FREM2: variants seen among roughly 807,000 people sequenced by gnomAD.
FREM2 encodes the protein FRAS1-related extracellular matrix protein 2.
In FREM2, 119 loss-of-function variants were observed where a neutral mutation model predicts 219.9. That is an observed-to-expected ratio of 0.54 (90% CI 0.47 to 0.63). The LOEUF is 0.63. FREM2 is among the 30% of genes least tolerant of loss of function. The pLI, the probability that FREM2 is intolerant of heterozygous loss-of-function variation, is 0.00. For synonymous variants in FREM2, 1,562 were observed against 1,522.8 expected, an observed-to-expected ratio of 1.03 and a Z score of -0.60; for missense variants, 4,030 against 3,993.6, an observed-to-expected ratio of 1.01 and a Z score of -0.25.
intron 6 of FREM2, among the ~76,000 whole-genome samples, chr13:38,841,033 T>A (rs1876942698): frequency 6.6e-6 from 1 of 152,194 alleles, no homozygotes; most frequent in South Asian, 2.1e-4. Flanking sequence ...TTTATCTAGA[T>A]ATGCATCCTA....
intron 1 of FREM2, among the ~76,000 whole-genome samples, chr13:38,695,241 C>A (rs1870058358): frequency 6.6e-6 from 1 of 151,906 alleles, no homozygotes; most frequent in Non-Finnish European, 1.5e-5. Context: ...CTTTAGAATA[C>A]CAGTATGATG....
At chr13:38,749,542 C>G (rs1872639505) in intron 2 of FREM2, among the ~76,000 whole-genome samples, 1 of 152,136 alleles carries the variant, frequency 6.6e-6, no homozygotes, top group South Asian at 2.1e-4. Flanking sequence ...AACCCCAGTG[C>G]TATTGACATT....
chr13:38,727,097 C>T (rs1871559132), intron 2 of FREM2, among the ~76,000 whole-genome samples: 1 of 152,128 alleles, frequency 6.6e-6, no homozygotes, highest in Non-Finnish European at 1.5e-5. Context: ...ACCTTTGGTA[C>T]AGTTTCAGCT....
intron 3 of FREM2, among the ~76,000 whole-genome samples, chr13:38,768,069 A>G (rs1873511081): frequency 6.6e-6 from 1 of 152,214 alleles, no homozygotes; most frequent in Admixed American, 6.5e-5. Flanking sequence ...AGCACATGGA[A>G]TAGAGCCTGG....
In FREM2 at chr13:38,876,309, A is replaced by C; in HGVS notation, c.8471A>C (p.Gln2824Pro). 1 of 1,614,090 alleles carries C rather than the reference A, an allele frequency of 6.2e-7. No homozygotes were observed. Among genetic ancestry groups the C allele is most frequent in the Non-Finnish European group, 8.5e-7 (1 of 1,179,950 alleles). The stretch of plus-strand genomic sequence containing the variant: ...GTGCCATGCACTGCCCCATCACATC[A>C]GGAATACCGCCTGCCAGTCACCTGC... ...KLVPCTAPSH[Q>P]EYRLPVTCNP... is the part of the protein sequence containing the mutation. Residue 2824 changes from glutamine to proline, a missense_variant, in exon 20 of 24, where the codon CAG (glutamine) becomes CCG (proline). Around this residue, in one of 2 missense-constraint regions of FREM2, gnomAD observed 928 missense variants for 1,042.9 expected, o/e 0.89. Transcript: ENST00000280481.
At chr13:38,847,163 T>G (rs1294359946) in intron 7 of FREM2, among the ~76,000 whole-genome samples, 21 of 151,870 alleles carry the variant, frequency 1.4e-4, no homozygotes, top group Non-Finnish European at 2.5e-4. Flanking sequence ...TATAAATACT[T>G]CAGATCCAAA....
intron 2 of FREM2, among the ~76,000 whole-genome samples, chr13:38,754,838 C>T (rs1872916750): frequency 6.6e-6 from 1 of 150,790 alleles, no homozygotes; most frequent in South Asian, 2.1e-4. Context: ...TTGGTCAAAG[C>T]CCATGCCACT....
chr13:38,776,724 G>T (rs574782912), intron 4 of FREM2, among the ~76,000 whole-genome samples: 1 of 151,872 alleles, frequency 6.6e-6, no homozygotes, highest in South Asian at 2.1e-4. Flanking sequence ...AGGGAGTGAA[G>T]GGATATATGG....
chr13:38,830,000 T>C (rs1022666768), intron 6 of FREM2, among the ~76,000 whole-genome samples: 2 of 152,156 alleles, frequency 1.3e-5, no homozygotes, highest in African/African-American at 2.4e-5. Flanking sequence ...ACATATATTA[T>C]CTCTGCACAA....
At chr13:38,768,496 G>A (rs1566135155) in intron 3 of FREM2, among the ~76,000 whole-genome samples, 1 of 151,924 alleles carries the variant, frequency 6.6e-6, no homozygotes, top group Non-Finnish European at 1.5e-5. Flanking sequence ...AGGATGGTCT[G>A]GAACTCCTGG....
chr13:38,687,837 G>T lies in FREM2; in HGVS notation c.493G>T (p.Val165Leu), dbSNP rs985248083. The T allele has an allele frequency of 6.4e-7, 1 of 1,557,886 alleles. No individual in the cohort carries two copies. Among genetic ancestry groups the T allele is most frequent in the East Asian group, 2.3e-5 (1 of 43,474 alleles). Residue 165 changes from valine to leucine, a missense_variant, in exon 1 of 24, where the codon GTG (valine) becomes TTG (leucine). Transcript: ENST00000280481. The stretch of plus-strand genomic sequence containing the variant: ...CTATGACGCGCCCGGAGGGGCAGTA[G>T]TGCTACCACTGGTACTGGAGGTGGA... ...LRYDAPGGAV[V>L]LPLVLEVEVV...
At chr13:38,827,866 G>A (rs752198226) in intron 6 of FREM2, among the ~76,000 whole-genome samples, 3 of 152,108 alleles carry the variant, frequency 2.0e-5, no homozygotes, top group South Asian at 2.1e-4. Context: ...AGAACTTAAC[G>A]AAGAGGAGAG....
chr13:38,843,942 C>T (rs115759778), intron 6 of FREM2, among the ~76,000 whole-genome samples: 59 of 151,228 alleles, frequency 3.9e-4, no homozygotes, highest in African/African-American at 1.4e-3. Flanking sequence ...TCATAATAAT[C>T]ACATCAAACT....
chr13:38,871,397 A>G (rs922501099), intron 16 of FREM2, among the ~76,000 whole-genome samples: 10 of 152,330 alleles, frequency 6.6e-5, no homozygotes, highest in East Asian at 1.9e-4. Flanking sequence ...TCAAACTTCT[A>G]TGGAGTGTGA....
intron 16 of FREM2, among the ~76,000 whole-genome samples, chr13:38,866,031 C>T (rs1173202518): frequency 6.6e-6 from 1 of 152,182 alleles, no homozygotes; most frequent in African/African-American, 2.4e-5. Context: ...GGTATCTCTA[C>T]TTCCTTCATG....
chr13:38,741,722 G>A (rs947123988), intron 2 of FREM2, among the ~76,000 whole-genome samples: 1 of 152,176 alleles, frequency 6.6e-6, no homozygotes, highest in African/African-American at 2.4e-5. Flanking sequence ...AGTTGAAGCA[G>A]CTGTGCTCAT....
chr13:38,698,223 G>A (rs1870196276), intron 2 of FREM2, among the ~76,000 whole-genome samples: 2 of 152,154 alleles, frequency 1.3e-5, no homozygotes, highest in South Asian at 4.1e-4. Flanking sequence ...GACTAATACT[G>A]ATGGAAAATG....
intron 11 of FREM2, among the ~76,000 whole-genome samples, chr13:38,853,098 C>T (rs1327650143): frequency 6.6e-6 from 1 of 151,828 alleles, no homozygotes; most frequent in Non-Finnish European, 1.5e-5. Context: ...GAGGCCAAGG[C>T]GGGTGGATCA....
chr13:38,713,604 T>C (rs529009396), intron 2 of FREM2, among the ~76,000 whole-genome samples: 1 of 152,348 alleles, frequency 6.6e-6, no homozygotes, highest in East Asian at 1.9e-4. Context: ...TTATCTCCTG[T>C]GATTTATCGG....
Sources: gnomAD v4.1 joint callset for allele counts (sites outside exome capture counted in the v4.1 genomes callset) on GRCh38, gnomAD v4.1.1 for gene constraint, gnomAD v4.1.1 regional missense constraint, MANE v1.5 for transcripts, NCBI Gene and HGNC (gene_info 2026-07-23, HGNC 2026-07-21) for gene names.